The following MECOM variants were observed in gnomAD, a reference collection of about 807,000 sequenced individuals.
The protein encoded by MECOM is histone-lysine N-methyltransferase MECOM.
A neutral mutation model predicts 116.3 loss-of-function variants in MECOM; 13 were observed. That is an observed-to-expected ratio of 0.11 (90% CI 0.07 to 0.18). The LOEUF is 0.18. Ranked by LOEUF, MECOM falls within the 10% of genes least tolerant of loss-of-function variation. The pLI is 1.00. For missense variants in MECOM, 1,299 were observed against 1,509.0 expected (o/e 0.86, Z 2.31); for synonymous variants, 528 against 535.2 (o/e 0.99, Z 0.19).
intron 1 of MECOM, among the ~76,000 whole-genome samples, chr3:169,594,176 A>AAAAAAAAAAAAAAAAAAAAC (rs1553894631): frequency 1.6e-4 from 22 of 139,800 alleles, no homozygotes; most frequent in Non-Finnish European, 2.1e-4. Flanking sequence ...AAAAAAAAAA[A>AAAAAAAAAAAAAAAAAAAAC]CACCTTTTCA....
At chr3:169,653,061 G>A (rs747237507) in intron 1 of MECOM, among the ~76,000 whole-genome samples, 10 of 152,104 alleles carry the variant, frequency 6.6e-5, no homozygotes, top group Non-Finnish European at 1.0e-4. Flanking sequence ...GCAAAATGAG[G>A]GACATTATTG....
rs1297273224 is a variant in MECOM at position 169,477,168 on chromosome 3, T to C, written c.38-95644A>G. The C allele has an allele frequency of 3.8e-5, 5 of 132,056 alleles. 1 individual carries two copies. Among genetic ancestry groups the C allele is most frequent in the African/African-American group, 1.1e-4 (4 of 34,904 alleles). The allele number at this position is 132,056 out of a possible 1,614,324, so 8.2% of individuals were successfully genotyped here. A position where few individuals can be genotyped will look rare whatever the true frequency, so the allele number is the denominator to read the frequency against. On this transcript the variant is annotated intron_variant, in intron 1 of 16. Coordinates refer to ENST00000651503, the MANE Select transcript of MECOM (RefSeq NM_004991.4). The stretch of plus-strand genomic sequence containing the variant: ...ATATATACACACACACACAATTTCA[T>C]TTGCAATAGGAAGTCTTCACACTGC...
At chr3:169,312,625 G>T (rs1044890769) in intron 2 of MECOM, among the ~76,000 whole-genome samples, 3 of 152,118 alleles carry the variant, frequency 2.0e-5, no homozygotes, top group Non-Finnish European at 2.9e-5. Flanking sequence ...TGATCCGCCC[G>T]CCTCGGCCTC....
intron 1 of MECOM, among the ~76,000 whole-genome samples, chr3:169,553,839 G>C (rs376746008): frequency 6.6e-6 from 1 of 152,074 alleles, no homozygotes; most frequent in African/African-American, 2.4e-5. Flanking sequence ...TTCTTATAAG[G>C]ACATCAGTCA....
In MECOM at chr3:169,115,401, A is replaced by G. The variant is rs768611335; in HGVS notation, c.2471T>C (p.Phe824Ser). 3.1e-6 allele frequency: 5 copies of G among 1,613,870 alleles called. No individual in the cohort carries two copies. In the Admixed American group the frequency reaches 8.3e-5, roughly 27 times the overall value. Residue 824 changes from phenylalanine (F) to serine (S), a missense_variant, in exon 8 of 17, where the codon TTT (phenylalanine) becomes TCT (serine). By Grantham distance (155) the Phe-to-Ser change is radical. Around this residue, in one of 6 missense-constraint regions of MECOM, gnomAD observed 340 missense variants for 312.6 expected, o/e 1.09. Coordinates refer to ENST00000651503, the MANE Select transcript of MECOM (RefSeq NM_004991.4). ...CGCTTACCTGTAAATAGGGTCCATAAAGAAAGGAGTGGGTCTTGCATGCTG... is the reference window on the plus strand; with the variant it reads ...CGCTTACCTGTAAATAGGGTCCATAGAGAAAGGAGTGGGTCTTGCATGCTG... ...SLQHARPTPF[F>S]MDPIYRVEKR...
At chr3:169,239,747 C>T (rs1449656971) in intron 2 of MECOM, among the ~76,000 whole-genome samples, 1 of 152,006 alleles carries the variant, frequency 6.6e-6, no homozygotes, top group East Asian at 1.9e-4. Flanking sequence ...ACCTCAGTTA[C>T]ATTTTAAAAA....
chr3:169,471,447 A>AATGAAGGC (rs150305660), intron 1 of MECOM, among the ~76,000 whole-genome samples: 1 of 151,812 alleles, frequency 6.6e-6, no homozygotes, highest in African/African-American at 2.4e-5. Flanking sequence ...CATATATTTA[A>AATGAAGGC]ATGAAAGCAG....
In MECOM at chr3:169,185,632, C is replaced by T. The variant is rs144933202; in HGVS notation, c.376-41800G>A. ...GTCTTCCTTGAAGGCTTCTTTTCTA[C>T]GGTTCACAATAACCTCTTTCGCCTC... On this transcript the variant is annotated intron_variant, in intron 2 of 16. Coordinates refer to ENST00000651503, the MANE Select transcript of MECOM (RefSeq NM_004991.4). 5.4e-3 allele frequency among the ~76,000 whole-genome samples: 817 copies of T among 152,250 alleles called. 12 individuals are homozygous for T. Among genetic ancestry groups the T allele is most frequent in the African/African-American group, 0.018 (764 of 41,550 alleles).
At chr3:169,659,766 G>A (rs1378392008) in intron 1 of MECOM, among the ~76,000 whole-genome samples, 1 of 152,156 alleles carries the variant, frequency 6.6e-6, no homozygotes, top group Non-Finnish European at 1.5e-5. Context: ...TGTGTTTGTT[G>A]TTGTGGGGGG....
intron 7 of MECOM, among the ~76,000 whole-genome samples, chr3:169,118,285 G>A (rs1196838412): frequency 6.6e-6 from 1 of 152,112 alleles, no homozygotes; most frequent in African/African-American, 2.4e-5. Flanking sequence ...TATTAAAGGT[G>A]CCTTCAATTG....
chr3:169,643,299 T>C (rs1350469408), intron 1 of MECOM, among the ~76,000 whole-genome samples: 1 of 152,224 alleles, frequency 6.6e-6, no homozygotes, highest in African/African-American at 2.4e-5. Context: ...CTAAATTTTC[T>C]TTTCACATAA....
intron 12 of MECOM, among the ~76,000 whole-genome samples, chr3:169,095,448 C>A (rs1721161388): frequency 2.6e-5 from 4 of 152,072 alleles, no homozygotes; most frequent in Admixed American, 2.6e-4. Flanking sequence ...TTATCAGAAA[C>A]CATAATAAAA....
chr3:169,415,247 G>T (rs1387430423), intron 1 of MECOM, among the ~76,000 whole-genome samples: 1 of 152,120 alleles, frequency 6.6e-6, no homozygotes, highest in Non-Finnish European at 1.5e-5. Flanking sequence ...TTAAAGAAAA[G>T]AATTTTCAAC....
intron 2 of MECOM, among the ~76,000 whole-genome samples, chr3:169,298,552 T>C (rs993883432): frequency 6.6e-6 from 1 of 152,136 alleles, no homozygotes; most frequent in African/African-American, 2.4e-5. Context: ...AGTATTTAAT[T>C]CAAATCAAAG....
chr3:169,345,927 A>G lies in MECOM; in HGVS notation c.375+35260T>C, dbSNP rs574309110. ...GAAAACAATGAAAGCCAATTATCGA[A>G]AAGTTCTGAATTTTTCTCTGATAAA... On this transcript the variant is annotated intron_variant, in intron 2 of 16. Transcript: ENST00000651503. Among the ~76,000 whole-genome samples, 451 of 152,234 alleles carry G rather than the reference A, an allele frequency of 3.0e-3. 3 individuals are homozygous for G. The highest frequency in any genetic ancestry group is 4.6e-3 in the Non-Finnish European group (310 of 67,998).
At chr3:169,335,020 T>A (rs1285102222) in intron 2 of MECOM, among the ~76,000 whole-genome samples, 2 of 152,160 alleles carry the variant, frequency 1.3e-5, no homozygotes, top group African/African-American at 4.8e-5. Context: ...TGCTGGCCTG[T>A]GGCAAATAAG....
At chr3:169,096,276 T>G (rs925270444) in intron 12 of MECOM, among the ~76,000 whole-genome samples, 3 of 151,868 alleles carry the variant, frequency 2.0e-5, no homozygotes, top group African/African-American at 7.3e-5. Context: ...TGACCTTTTT[T>G]TTTTTTGTTT....
chr3:169,614,603 C>T (rs553070311), intron 1 of MECOM, among the ~76,000 whole-genome samples: 1 of 152,142 alleles, frequency 6.6e-6, no homozygotes, highest in Admixed American at 6.5e-5. Context: ...GAACCTATCA[C>T]TACTAAAGAA....
At chr3:169,165,371 G>A (rs147636169) in intron 2 of MECOM, among the ~76,000 whole-genome samples, 60 of 152,206 alleles carry the variant, frequency 3.9e-4, no homozygotes, top group African/African-American at 1.3e-3. Flanking sequence ...CAATTGTACC[G>A]GATGGTCAAG....
Sources: gnomAD v4.1 joint callset for allele counts (sites outside exome capture counted in the v4.1 genomes callset) on GRCh38, gnomAD v4.1.1 for gene constraint, gnomAD v4.1.1 regional missense constraint, MANE v1.5 for transcripts, NCBI Gene and HGNC (gene_info 2026-07-23, HGNC 2026-07-21) for gene names.